Variants in ELN observed in about 807,000 individuals in gnomAD.
The protein encoded by ELN is tropoelastin.
Under a neutral mutation model 105.8 loss-of-function variants are expected in ELN, and 65 were observed. The observed-to-expected ratio is 0.61, with a 90% CI of 0.50 to 0.75. The LOEUF is 0.75. ELN is among the 30% of genes least tolerant of loss of function. ELN has a pLI of 0.00. For synonymous variants in ELN, 368 were observed against 389.2 expected (o/e 0.95, Z 0.64); for missense variants, 882 against 969.4 (o/e 0.91, Z 1.20).
chr7:74,050,525 C>A (rs1193006708), intron 15 of ELN, among the ~76,000 whole-genome samples: 1 of 151,882 alleles, frequency 6.6e-6, no homozygotes. Context: ...ATGCACCCAT[C>A]CATCCATTTC....
intron 1 of ELN, among the ~76,000 whole-genome samples, chr7:74,028,627 A>G (rs1285113852): frequency 6.6e-6 from 1 of 152,124 alleles, no homozygotes; most frequent in South Asian, 2.1e-4. Context: ...GAGACACCAC[A>G]GTCTGCACAC....
intron 9 of ELN, among the ~76,000 whole-genome samples, chr7:74,044,761 C>G (rs906711512): frequency 1.1e-4 from 17 of 152,224 alleles, no homozygotes; most frequent in Admixed American, 5.2e-4. Flanking sequence ...GCTGCCCAGC[C>G]CCAGGGGAGA....
At chr7:74,033,249 C>T (rs930681502) in intron 1 of ELN, among the ~76,000 whole-genome samples, 1 of 152,236 alleles carries the variant, frequency 6.6e-6, no homozygotes, top group African/African-American at 2.4e-5. Flanking sequence ...TGCTCTTCCC[C>T]CCACCTCCAC....
At chr7:74,043,755 C>A in intron 8 of ELN, 124 bp from the exon 9 acceptor site, 1 of 1,289,008 alleles carries the variant, frequency 7.8e-7, no homozygotes, top group Non-Finnish European at 1.1e-6. Flanking sequence ...CTGTCCCTGG[C>A]TGCCCCTGTC....
rs782185947 is a variant in ELN at position 74,043,143 on chromosome 7, C to T, written c.402C>T (p.Ala134=). 2.4e-5 allele frequency: 38 copies of T among 1,609,154 alleles called. No individual in the cohort carries two copies. Among genetic ancestry groups the T allele is most frequent in the Non-Finnish European group, 3.0e-5 (35 of 1,177,604 alleles). The change falls in exon 8 of 33, where the codon GCC becomes GCT. Residue 134 remains alanine (A), a synonymous_variant. Transcript: ENST00000252034. ...SAGAVVPQPG[A]GVKPGKVPGV... ...GTGCGGTGGTTCCTCAGCCTGGAGC[C>T]GGAGTGAAGCCTGGGAAAGTGCCGG...
Position 74,028,297 on chromosome 7 carries a change from C to A in ELN, c.82+28C>A, listed in dbSNP as rs370874654. On this transcript the variant is annotated intron_variant, in intron 1 of 32. Coordinates refer to ENST00000252034, the MANE Select transcript of ELN (RefSeq NM_000501.4). ...AAGGACCCCTCGCCCCTGTCCCCAG[C>A]GCTGCCCACAGCTGCGGGCCCTTTG... The A allele has an allele frequency of 3.8e-6, 6 of 1,596,720 alleles. No homozygotes were observed. In the African/African-American group the frequency reaches 4.0e-5, roughly 11 times the overall value.
intron 1 of ELN, among the ~76,000 whole-genome samples, chr7:74,032,507 T>C (rs1313717953): frequency 6.6e-6 from 1 of 152,224 alleles, no homozygotes; most frequent in African/African-American, 2.4e-5. Context: ...TTCTCACCTC[T>C]CTCACTTGCA....
intron 18 of ELN, 39 bp from the exon 19 acceptor site, chr7:74,054,677 A>G: frequency 1.2e-6 from 2 of 1,609,428 alleles, no homozygotes; most frequent in Non-Finnish European, 1.7e-6. Flanking sequence ...CTCTCCTCCA[A>G]TCTCTCCTGA....
chr7:74,065,058 T>C (rs1797632414), intron 29 of ELN, among the ~76,000 whole-genome samples: 1 of 150,604 alleles, frequency 6.6e-6, no homozygotes, highest in East Asian at 1.9e-4. Flanking sequence ...CTGGACAATG[T>C]AGCAAGACCC....
At chr7:74,037,140 A>G (rs1276705540) in intron 3 of ELN, among the ~76,000 whole-genome samples, 3 of 138,798 alleles carry the variant, frequency 2.2e-5, no homozygotes, top group African/African-American at 8.1e-5. Flanking sequence ...GCCCCTTCCT[A>G]TTTCTTTTTA....
At chr7:74,040,078 A>G (rs1790833628) in intron 4 of ELN, among the ~76,000 whole-genome samples, 2 of 152,212 alleles carry the variant, frequency 1.3e-5, no homozygotes, top group African/African-American at 2.4e-5. Context: ...GTCAGGCCAC[A>G]TGACAGGATG....
intron 29 of ELN, among the ~76,000 whole-genome samples, chr7:74,064,472 T>C (rs1245996659): frequency 6.8e-6 from 1 of 147,936 alleles, no homozygotes; most frequent in Non-Finnish European, 1.5e-5. Context: ...ATAAATTAGC[T>C]GGGCATGGTG....
At chr7:74,035,255 T>C (rs1789629680) in intron 1 of ELN, 109 bp from the exon 2 acceptor site, 2 of 1,036,050 alleles carry the variant, frequency 1.9e-6, no homozygotes, top group Non-Finnish European at 3.0e-6. Flanking sequence ...CTTGTTTCCA[T>C]GTAATTGTGG....
intron 2 of ELN, 174 bp downstream of exon 2, chr7:74,035,588 G>A (rs1789741056): frequency 5.0e-6 from 4 of 792,474 alleles, no homozygotes; most frequent in East Asian, 5.4e-5. Flanking sequence ...AGAGCATACA[G>A]GCTGGACATG....
Position 74,063,123 on chromosome 7 carries a change from G to C in ELN, c.1787-30G>C. On this transcript the variant is annotated intron_variant, in intron 26 of 32. Coordinates refer to ENST00000252034, the MANE Select transcript of ELN (RefSeq NM_000501.4). This position sits in a 1 kb window ranked among gnomAD's most constrained non-coding sequence, Gnocchi z 4.1. ...CAGGGAGACCCATCGTTCAGAAATG[G>C]AACACTCATTTTCCCTCCTCTCCCC... 1 of 1,587,540 alleles carries C rather than the reference G, an allele frequency of 6.3e-7. No homozygotes were observed. Among genetic ancestry groups the C allele is most frequent in the Non-Finnish European group, 8.6e-7 (1 of 1,167,726 alleles).
At chr7:74,059,773 C>A (rs889148249) in intron 22 of ELN, 113 bp from the exon 23 acceptor site, 6 of 781,778 alleles carry the variant, frequency 7.7e-6, no homozygotes, top group South Asian at 6.7e-5. Context: ...AGTAACTGAT[C>A]CAGGGTCACA....
chr7:74,032,830 T>C (rs987612532), intron 1 of ELN, among the ~76,000 whole-genome samples: 3 of 152,144 alleles, frequency 2.0e-5, no homozygotes, highest in African/African-American at 7.2e-5. Context: ...CAGATGGGGA[T>C]GAAACAGGTT....
At chr7:74,068,464 T>C (rs1798471219) in intron 32 of ELN, among the ~76,000 whole-genome samples, 193 bp from the exon 33 acceptor site, 1 of 152,188 alleles carries the variant, frequency 6.6e-6, no homozygotes, top group African/African-American at 2.4e-5. Context: ...AAGTAATATC[T>C]TGGGGGCTTC....
In ELN at chr7:74,028,219, C is replaced by T. The variant is rs781993784; in HGVS notation, c.32C>T (p.Pro11Leu). ...GGTCTGACGGCGGCGGCCCCGCGGC[C>T]CGGAGTCCTCCTGCTCCTGCTGTCC... The part of the protein sequence containing the change: MAGLTAAAPR[P>L]GVLLLLLSIL... Residue 11 changes from proline (P) to leucine (L), a missense_variant, in exon 1 of 33, where the codon CCC becomes CTC. By Grantham distance (98) the Pro-to-Leu change is moderately conservative. Transcript: ENST00000252034. The T allele has an allele frequency of 1.2e-6, 2 of 1,611,262 alleles. No individual in the cohort carries two copies. Among genetic ancestry groups the T allele is most frequent in the South Asian group, 2.2e-5 (2 of 90,930 alleles).
Sources: gnomAD v4.1 joint callset for allele counts (sites outside exome capture counted in the v4.1 genomes callset) on GRCh38, gnomAD v4.1.1 for gene constraint, Gnocchi (gnomAD v3.1) non-coding constraint, MANE v1.5 for transcripts, NCBI Gene and HGNC (gene_info 2026-07-23, HGNC 2026-07-21) for gene names.